Variants in SCN10A observed in about 807,000 individuals in gnomAD.
SCN10A encodes sodium channel protein type 10 subunit alpha.
Under a neutral mutation model 170.7 loss-of-function variants are expected in SCN10A, and 162 were observed. The observed-to-expected ratio is 0.95, with a 90% CI of 0.84 to 1.08. The LOEUF (loss-of-function observed/expected upper bound fraction) is 1.08, where lower values mean the gene tolerates loss of function less well. Ranked by LOEUF, SCN10A falls within the 50% of genes least tolerant of loss-of-function variation. SCN10A has a pLI of 0.00. For missense variants in SCN10A, 2,527 were observed against 2,436.9 expected (o/e 1.04, Z -0.78); for synonymous variants, 985 against 904.6 (o/e 1.09, Z -1.59).
intron 8 of SCN10A, among the ~76,000 whole-genome samples, chr3:38,760,420 C>T (rs2063855691): frequency 1.3e-5 from 2 of 152,234 alleles, no homozygotes; most frequent in African/African-American, 4.8e-5. Flanking sequence ...CATCTGATCC[C>T]AGTCCAAAAT....
rs190014395 is a variant in SCN10A, at chr3:38,789,221, C to G, written c.390-185G>C. Among the ~76,000 whole-genome samples the G allele has an allele frequency of 8.7e-4, 132 of 152,250 alleles. 2 individuals carry two copies. The South Asian group carries it at 0.026, about 30-fold the overall frequency. The stretch of plus-strand genomic sequence containing the variant: ...TAGGCTGAGTACTTTGTCCATGTTA[C>G]TTCTAATACAACTGATCTACAGGTG... On this transcript the variant is annotated intron_variant, in intron 3 of 27. Transcript: ENST00000449082.
At chr3:38,761,125 C>T in intron 7 of SCN10A, 67 bp downstream of exon 7, 2 of 1,309,256 alleles carry the variant, frequency 1.5e-6, no homozygotes, top group Non-Finnish European at 2.1e-6. Context: ...GGCTCCATAT[C>T]CCCTGTCCCT....
At chr3:38,763,637 G>T in intron 5 of SCN10A, 41 bp from the exon 6 acceptor site, 1 of 1,469,792 alleles carries the variant, frequency 6.8e-7, no homozygotes, top group Non-Finnish European at 9.5e-7. Flanking sequence ...GCAAGCAAGG[G>T]TCCTGGGGAT....
chr3:38,793,720 A>G, intron 2 of SCN10A, 21 bp downstream of exon 2: 1 of 1,603,482 alleles, frequency 6.2e-7, no homozygotes, highest in Non-Finnish European at 8.5e-7. Context: ...GAGAGCAGAC[A>G]TTCCTACTAG....
intron 1 of SCN10A, among the ~76,000 whole-genome samples, chr3:38,815,105 G>A (rs558651805): frequency 6.6e-6 from 1 of 152,004 alleles, no homozygotes; most frequent in South Asian, 2.1e-4. Flanking sequence ...TAGAGCTATG[G>A]GGGAAAAAAA....
chr3:38,707,477 T>A, intron 25 of SCN10A, 94 bp from the exon 26 acceptor site: 1 of 1,238,160 alleles, frequency 8.1e-7, no homozygotes, highest in Non-Finnish European at 1.2e-6. Context: ...ATATCAACCT[T>A]CTCCCCTCCT....
chr3:38,707,189 G>T, intron 26 of SCN10A, 90 bp downstream of exon 26: 3 of 1,341,512 alleles, frequency 2.2e-6, no homozygotes, highest in Non-Finnish European at 3.1e-6. Context: ...TCCATAAACA[G>T]CACTCCCTCA....
At chr3:38,808,632 T>A (rs1048845521) in intron 1 of SCN10A, among the ~76,000 whole-genome samples, 2 of 152,218 alleles carry the variant, frequency 1.3e-5, no homozygotes, top group Non-Finnish European at 2.9e-5. Flanking sequence ...AGAATCGTCA[T>A]GAATGTGCAC....
At position 38,750,143 on chromosome 3, in the gene SCN10A, T is replaced by G; in HGVS notation, c.1797A>C (p.Glu599Asp). 6.2e-7 allele frequency: 1 copy of G among 1,613,384 alleles called. No homozygotes were observed. Among genetic ancestry groups the G allele is most frequent in the Non-Finnish European group, 8.5e-7 (1 of 1,179,518 alleles). ...GGGCCCGGAAAGGTTCATCTAAGTA[T>G]TCTGCTGACAAGAAAGTCTTCTTTT... ...AGQKKTFLSA[E>D]YLDEPFRAQR... The change falls in exon 13 of 28, where the codon GAA (glutamate) becomes GAC (aspartate). Residue 599 changes from glutamate to aspartate, a missense_variant. Physicochemically the swap from Glu to Asp is conservative, Grantham distance 45 (BLOSUM62 2). Coordinates refer to ENST00000449082, the MANE Select transcript of SCN10A (RefSeq NM_006514.4).
intron 16 of SCN10A, among the ~76,000 whole-genome samples, 172 bp downstream of exon 16, chr3:38,728,370 C>T (rs1306245311): frequency 6.6e-6 from 1 of 152,200 alleles, no homozygotes; most frequent in Admixed American, 6.5e-5. Flanking sequence ...CAGACTGCCT[C>T]CCAAGGCACA....
intron 13 of SCN10A, among the ~76,000 whole-genome samples, chr3:38,749,379 T>C (rs1369808773): frequency 6.6e-6 from 1 of 152,212 alleles, no homozygotes; most frequent in Non-Finnish European, 1.5e-5. Flanking sequence ...AAAAAAAGGC[T>C]GGATTAGAAC....
intron 6 of SCN10A, among the ~76,000 whole-genome samples, chr3:38,761,843 A>T (rs201053512): frequency 0.17 from 18,537 of 106,218 alleles, 2,149 homozygotes; most frequent in African/African-American, 0.41. Flanking sequence ...TGTGTGAGAG[A>T]GAGAGAGAGA....
At chr3:38,709,368 T>A in intron 25 of SCN10A, 110 bp downstream of exon 25, 4 of 1,099,430 alleles carry the variant, frequency 3.6e-6, no homozygotes, top group Non-Finnish European at 1.3e-6. Context: ...ATTAAAGTGA[T>A]GGGCTGTGAG....
intron 1 of SCN10A, among the ~76,000 whole-genome samples, chr3:38,811,555 C>T (rs1460225832): frequency 6.6e-6 from 1 of 151,962 alleles, no homozygotes; most frequent in Non-Finnish European, 1.5e-5. Flanking sequence ...ATAAATTAAT[C>T]TTGCTATTAA....
At position 38,728,156 on chromosome 3, in the gene SCN10A, G is replaced by A. The variant is rs951837087; in HGVS notation, c.2640+386C>T. 3.3e-5 allele frequency among the ~76,000 whole-genome samples: 5 copies of A among 152,278 alleles called. No individual in the cohort carries two copies. The East Asian group carries it at 9.6e-4, about 29-fold the overall frequency. On this transcript the variant is annotated intron_variant, in intron 16 of 27. Transcript: ENST00000449082. ...GAGTTCCTGCCTCAGCCCAGACATT[G>A]CATTAGGCAATTTGCATATGTCATC...
intron 4 of SCN10A, among the ~76,000 whole-genome samples, chr3:38,776,640 G>A (rs1575171056): frequency 6.6e-6 from 1 of 152,168 alleles, no homozygotes; most frequent in South Asian, 2.1e-4. Flanking sequence ...AAAATTATAT[G>A]TGCATAGAGA....
At chr3:38,771,484 G>A (rs750392389) in intron 4 of SCN10A, 77 bp from the exon 5 acceptor site, 18 of 1,476,948 alleles carry the variant, frequency 1.2e-5, no homozygotes, top group Non-Finnish European at 1.6e-5. Context: ...CAGGAGGGAG[G>A]GATGACCTGC....
In SCN10A at chr3:38,801,151, T is replaced by C. The variant is rs144705939; in HGVS notation, c.-32-7109A>G. On this transcript the variant is annotated intron_variant, in intron 1 of 27. Coordinates refer to ENST00000449082, the MANE Select transcript of SCN10A (RefSeq NM_006514.4). ...CCAGATTTTGTAGATCTTAGCAGGA[T>C]GTTTCTCTGATTACACAACAATCAT... 3.4e-3 allele frequency among the ~76,000 whole-genome samples: 513 copies of C among 152,216 alleles called. 4 individuals carry two copies. The highest frequency in any genetic ancestry group is 0.017 in the Middle Eastern group (5 of 294).
intron 5 of SCN10A, 121 bp downstream of exon 5, chr3:38,771,158 C>T (rs996493938): frequency 3.7e-6 from 4 of 1,071,826 alleles, no homozygotes; most frequent in Admixed American, 2.2e-5. Context: ...TTGGAGCAAA[C>T]GTTCATGGTG....
Sources: allele counts gnomAD v4.1 joint callset (sites outside exome capture counted in the v4.1 genomes callset), GRCh38; gene constraint gnomAD v4.1.1; transcripts MANE v1.5; gene names NCBI Gene and HGNC (gene_info 2026-07-23, HGNC 2026-07-21).